Variants in QSOX1 observed in about 807,000 individuals in gnomAD.
QSOX1 encodes quiescin sulfhydryl oxidase 1.
In QSOX1, 40 loss-of-function variants were observed where a neutral mutation model predicts 76.1. The observed-to-expected ratio is 0.53, with a 90% CI of 0.41 to 0.68. The LOEUF (loss-of-function observed/expected upper bound fraction) is 0.68. Ranked by LOEUF, QSOX1 falls within the 30% of genes least tolerant of loss-of-function variation. The pLI, the probability that QSOX1 is intolerant of heterozygous loss-of-function variation, is 0.00. For missense variants in QSOX1, 931 were observed against 974.3 expected, an observed-to-expected ratio of 0.96 and a Z score of 0.59; for synonymous variants, 392 against 413.1, an observed-to-expected ratio of 0.95 and a Z score of 0.62.
chr1:180,194,564 G>A (rs1663413065), intron 11 of QSOX1, among the ~76,000 whole-genome samples, 172 bp downstream of exon 11: 1 of 152,240 alleles, frequency 6.6e-6, no homozygotes, highest in Non-Finnish European at 1.5e-5. Context: ...ACATGAGGAA[G>A]CCAAGGCTTT....
chr1:180,198,705 A>G lies in QSOX1; in HGVS notation c.*1668A>G, dbSNP rs572777078. 2.2e-5 allele frequency: 7 copies of G among 311,620 alleles called. No homozygotes were observed. In the Admixed American group the frequency reaches 2.5e-4, roughly 11 times the overall value. 19.3% of individuals were successfully genotyped at this position (311,620 alleles called of 1,614,324 possible). A position where few individuals can be genotyped will look rare whatever the true frequency, so the allele number is the denominator to read the frequency against. ...GACTCCCTCTCTGTGCCCCTGCTCC[A>G]GGCACCCATTGGCTCCATCCTCCTG... On this transcript the variant is annotated 3_prime_UTR_variant, in exon 12 of 12. Transcript: ENST00000367602.
At chr1:180,156,275 T>C (rs538149441) in intron 1 of QSOX1, among the ~76,000 whole-genome samples, 1 of 152,240 alleles carries the variant, frequency 6.6e-6, no homozygotes, top group African/African-American at 2.4e-5. Flanking sequence ...AGTGGTATAG[T>C]GATAGTGATT....
In QSOX1 at chr1:180,198,668, G is replaced by C. The variant is rs1663566253; in HGVS notation, c.*1631G>C. 2 of 336,456 alleles carry C rather than the reference G, an allele frequency of 5.9e-6. No homozygotes were observed. Among genetic ancestry groups the C allele is most frequent in the South Asian group, 2.3e-5 (1 of 43,484 alleles). The allele number at this position is 336,456 out of a possible 1,614,324, so 20.8% of individuals were successfully genotyped here. A position where few individuals can be genotyped will look rare whatever the true frequency, so the allele number is the denominator to read the frequency against. On this transcript the variant is annotated 3_prime_UTR_variant, in exon 12 of 12. Transcript: ENST00000367602. The stretch of plus-strand genomic sequence containing the variant: ...CTCTTTAGCTGCAGCGCCTTGCTGG[G>C]CTCCTGGGTTGGACTCCCTCTCTGT...
At chr1:180,160,762 A>G (rs1394531440) in intron 1 of QSOX1, among the ~76,000 whole-genome samples, 1 of 152,188 alleles carries the variant, frequency 6.6e-6, no homozygotes, top group Non-Finnish European at 1.5e-5. Context: ...TGGTTATGGC[A>G]TTGGGCATTT....
At position 180,186,104 on chromosome 1, in the gene QSOX1, G is replaced by A; in HGVS notation, c.939G>A (p.Arg313=). The part of the protein sequence containing the change: ...DLESALHYIL[R]IEVGRFPVLE... ...AATCTGCACTGCACTACATCCTGCG[G>A]ATAGAAGTGGGCAGGTTCCCGGTCC... The change falls in exon 8 of 12, where the codon CGG becomes CGA. Residue 313 remains arginine (R), a synonymous_variant. Coordinates refer to ENST00000367602, the MANE Select transcript of QSOX1 (RefSeq NM_002826.5). The A allele has an allele frequency of 6.2e-7, 1 of 1,614,230 alleles. No homozygotes were observed. Among genetic ancestry groups the A allele is most frequent in the Non-Finnish European group, 8.5e-7 (1 of 1,180,026 alleles).
chr1:180,176,509 G>A (rs1207033020), intron 4 of QSOX1, among the ~76,000 whole-genome samples: 4 of 152,184 alleles, frequency 2.6e-5, no homozygotes, highest in Non-Finnish European at 4.4e-5. Context: ...GTCATGCCTG[G>A]GGCATGGGGG....
chr1:180,164,375 G>A lies in QSOX1; in HGVS notation c.266-2116G>A, dbSNP rs191320240. Among the ~76,000 whole-genome samples the A allele has an allele frequency of 7.7e-4, 118 of 152,270 alleles. 1 individual carries two copies. Among genetic ancestry groups the A allele is most frequent in the Non-Finnish European group, 4.7e-4 (32 of 68,018 alleles). ...CCTCACTCTGCTAAATACTTTTGAC[G>A]TCTGACTCTGGTAAATACCTCCATC... On this transcript the variant is annotated intron_variant, in intron 1 of 11. Coordinates refer to ENST00000367602, the MANE Select transcript of QSOX1 (RefSeq NM_002826.5).
intron 2 of QSOX1, among the ~76,000 whole-genome samples, chr1:180,171,590 T>G (rs1260343052): frequency 1.3e-5 from 2 of 152,216 alleles, no homozygotes; most frequent in Admixed American, 1.3e-4. Flanking sequence ...AATGATAGGT[T>G]TGTTCATTGA....
In QSOX1 at chr1:180,199,052, A is replaced by C. The variant is rs1316108100; in HGVS notation, c.*2015A>C. The C allele has an allele frequency of 6.5e-6, 1 of 154,720 alleles. No homozygotes were observed. Among genetic ancestry groups the C allele is most frequent in the African/African-American group, 2.4e-5 (1 of 41,454 alleles). 9.6% of individuals were successfully genotyped at this position (154,720 alleles called of 1,614,324 possible). A position where few individuals can be genotyped will look rare whatever the true frequency, so the allele number is the denominator to read the frequency against. On this transcript the variant is annotated 3_prime_UTR_variant, in exon 12 of 12. Transcript: ENST00000367602. Reference sequence around the variant, plus strand: ...ACTGTCGCAGCAGCCCGGGCTGCACAGTGTGTAGCCCAGCCTCCAGGTCCA... The same window carrying C: ...ACTGTCGCAGCAGCCCGGGCTGCACCGTGTGTAGCCCAGCCTCCAGGTCCA...
At chr1:180,172,891 C>G (rs1025393678) in intron 2 of QSOX1, among the ~76,000 whole-genome samples, 9 of 151,998 alleles carry the variant, frequency 5.9e-5, no homozygotes, top group African/African-American at 2.2e-4. Context: ...TGTGGGTGAC[C>G]TGATGGTTGA....
At chr1:180,169,815 A>G (rs1482771338) in intron 2 of QSOX1, among the ~76,000 whole-genome samples, 1 of 152,214 alleles carries the variant, frequency 6.6e-6, no homozygotes, top group East Asian at 1.9e-4. Context: ...CCCAGAGCCC[A>G]TGGCCAGTGA....
At position 180,194,227 on chromosome 1, in the gene QSOX1, G is replaced by A; in HGVS notation, c.1303G>A (p.Val435Ile). 2.5e-6 allele frequency: 4 copies of A among 1,612,340 alleles called. No individual in the cohort carries two copies. Among genetic ancestry groups the A allele is most frequent in the East Asian group, 2.2e-5 (1 of 44,838 alleles). Reference sequence around the variant, plus strand: ...CTGCCCTGTAGCCAAGGCCAAGGAGGTCCTCCCAGCCATCCGAGGCTACGT... The same window carrying A: ...CTGCCCTGTAGCCAAGGCCAAGGAGATCCTCCCAGCCATCCGAGGCTACGT... ...HSQEAAKAKE[V>I]LPAIRGYVHY... is the part of the protein sequence containing the mutation. The change falls in exon 11 of 12, where the codon GTC (valine) becomes ATC (isoleucine). Residue 435 changes from valine (V) to isoleucine (I), a missense_variant. Val to Ile is a conservative substitution (Grantham distance 29). Coordinates refer to ENST00000367602, the MANE Select transcript of QSOX1 (RefSeq NM_002826.5).
chr1:180,191,150 A>G (rs1018031062), intron 10 of QSOX1, among the ~76,000 whole-genome samples: 13 of 152,192 alleles, frequency 8.5e-5, no homozygotes, highest in African/African-American at 2.6e-4. Context: ...TGCGCATCCA[A>G]TTCAGTCCAC....
chr1:180,158,250 A>G (rs1349463549), intron 1 of QSOX1, among the ~76,000 whole-genome samples: 1 of 152,180 alleles, frequency 6.6e-6, no homozygotes, highest in Non-Finnish European at 1.5e-5. Context: ...GAAAAACAGC[A>G]TGTGCCGAGC....
intron 2 of QSOX1, among the ~76,000 whole-genome samples, chr1:180,169,876 T>C (rs1163753909): frequency 8.5e-5 from 13 of 152,218 alleles, no homozygotes; most frequent in Admixed American, 8.5e-4. Context: ...TTTGCTGGGC[T>C]CACGGAGCTC....
chr1:180,186,002 T>A, intron 7 of QSOX1, 51 bp from the exon 8 acceptor site: 2 of 1,602,326 alleles, frequency 1.2e-6, no homozygotes, highest in East Asian at 4.5e-5. Context: ...TTGCAGCCCC[T>A]GCACCATGGT....
In QSOX1 at chr1:180,194,486, C is replaced by T. The variant is rs1420147813; in HGVS notation, c.1468+94C>T. On this transcript the variant is annotated intron_variant, in intron 11 of 11. Coordinates refer to ENST00000367602, the MANE Select transcript of QSOX1 (RefSeq NM_002826.5). ...CTTAGGCCAAAATTTGGGGAAGGGA[C>T]ACTCATTGTCCCCTCAGTCACAGCC... 4.8e-6 allele frequency: 6 copies of T among 1,247,368 alleles called. No individual in the cohort carries two copies. The East Asian group carries it at 1.3e-4, about 26-fold the overall frequency. The allele number at this position is 1,247,368 out of a possible 1,614,324, so 77.3% of individuals were successfully genotyped here.
At chr1:180,194,126 G>T in intron 10 of QSOX1, 87 bp from the exon 11 acceptor site, 3 of 1,322,716 alleles carry the variant, frequency 2.3e-6, no homozygotes, top group Non-Finnish European at 3.1e-6. Flanking sequence ...ACGGCAGGAT[G>T]GGGGGCGGCA....
intron 1 of QSOX1, among the ~76,000 whole-genome samples, chr1:180,163,334 C>T (rs557635152): frequency 1.3e-5 from 2 of 152,292 alleles, no homozygotes; most frequent in South Asian, 4.1e-4. Flanking sequence ...TTTATGACTT[C>T]CTTTATAAAC....
Sources: gnomAD v4.1 joint callset for allele counts (sites outside exome capture counted in the v4.1 genomes callset) on GRCh38, gnomAD v4.1.1 for gene constraint, MANE v1.5 for transcripts, NCBI Gene and HGNC (gene_info 2026-07-23, HGNC 2026-07-21) for gene names.